Variants in MYRF observed in about 807,000 individuals in gnomAD.
MYRF encodes myelin gene regulatory factor.
A neutral mutation model predicts 126.3 loss-of-function variants in MYRF; 16 were observed. The observed-to-expected ratio is 0.13, with a 90% confidence interval of 0.09 to 0.19. The LOEUF is 0.19. MYRF is among the 10% of genes least tolerant of loss of function. The pLI is 1.00. For missense variants in MYRF, 1,104 were observed against 1,547.0 expected, an observed-to-expected ratio of 0.71 and a Z score of 4.80; for synonymous variants, 608 against 635.3, an observed-to-expected ratio of 0.96 and a Z score of 0.65.
At chr11:61,784,235 G>T in intron 24 of MYRF, 45 bp from the exon 25 acceptor site, 1 of 1,572,460 alleles carries the variant, frequency 6.4e-7, no homozygotes. Context: ...CTGGGGTTGA[G>T]GGACTCTAGA....
rs2066452701 is a variant in MYRF, at chr11:61,778,645, G to C, written c.2013+156G>C. 2 of 677,480 alleles carry C rather than the reference G, an allele frequency of 3.0e-6. No individual in the cohort carries two copies. The highest frequency in any genetic ancestry group is 2.7e-6 in the Non-Finnish European group (1 of 370,378). 42.0% of individuals were successfully genotyped at this position (677,480 alleles called of 1,614,324 possible). A position where few individuals can be genotyped will look rare whatever the true frequency, so the allele number is the denominator to read the frequency against. ...TCCAGAGCGCCCTCTGCACCCCACA[G>C]GGAAGGGGTGAGTGTTCAAGGAGAT... On this transcript the variant is annotated intron_variant, in intron 14 of 26. Transcript: ENST00000278836. This position sits in a 1 kb window ranked among gnomAD's most constrained non-coding sequence, Gnocchi z 4.6.
At chr11:61,766,338 C>A in intron 3 of MYRF, 117 bp downstream of exon 3, 1 of 1,179,882 alleles carries the variant, frequency 8.5e-7, no homozygotes, top group Non-Finnish European at 1.2e-6. Flanking sequence ...GGCTGGGTGA[C>A]TGGCTGTGCG....
At chr11:61,784,488 G>C in intron 25 of MYRF, 103 bp downstream of exon 25, 1 of 919,430 alleles carries the variant, frequency 1.1e-6, no homozygotes, top group Non-Finnish European at 1.7e-6. Flanking sequence ...GGGAGTTATA[G>C]AGTAAAGCCT....
At chr11:61,784,480 G>A in intron 25 of MYRF, 95 bp downstream of exon 25, 1 of 990,696 alleles carries the variant, frequency 1.0e-6, no homozygotes, top group Non-Finnish European at 1.5e-6. Context: ...CAGAAGCTGG[G>A]AGTTATAGAG....
chr11:61,754,907 G>A (rs1196577818), intron 1 of MYRF, among the ~76,000 whole-genome samples: 1 of 152,230 alleles, frequency 6.6e-6, no homozygotes, highest in Non-Finnish European at 1.5e-5. Context: ...CCCACTGTAG[G>A]TGTGAGAGAA....
At chr11:61,767,108 G>C (rs1247505622) in intron 3 of MYRF, 1 of 456,496 alleles carries the variant, frequency 2.2e-6, no homozygotes, top group Non-Finnish European at 4.4e-6. Context: ...GGTGGCCATG[G>C]ACACATGGCC....
At position 61,781,731 on chromosome 11, in the gene MYRF, A is replaced by C. The variant is rs2066555851; in HGVS notation, c.2923A>C (p.Ser975Arg). 4 of 1,612,958 alleles carry C rather than the reference A, an allele frequency of 2.5e-6. No individual in the cohort carries two copies. In the South Asian group the frequency reaches 4.4e-5, roughly 18 times the overall value. The change falls in exon 22 of 27, where the codon AGT (serine) becomes CGT (arginine). Residue 975 changes from serine to arginine, a missense_variant. By Grantham distance (110) the Ser-to-Arg change is moderately radical. This residue lies in a region of MYRF where 323 missense variants were observed against 383.1 expected (regional missense o/e 0.84). Coordinates refer to ENST00000278836, the MANE Select transcript of MYRF (RefSeq NM_001127392.3). ...FPGGQGKAKN[S>R]PSLGFHGRAR... ...TGGGGGGCAGGGCAAAGCCAAGAAC[A>C]GTCCCAGCCTTGGTTTCCATGGCCG...
chr11:61,781,937 C>T (rs1295405814), intron 22 of MYRF, 113 bp downstream of exon 22: 15 of 1,300,106 alleles, frequency 1.2e-5, no homozygotes, highest in South Asian at 4.8e-5. Flanking sequence ...AGTCAATAGA[C>T]GTTTGCTGAG....
intron 1 of MYRF, among the ~76,000 whole-genome samples, chr11:61,756,827 T>A (rs1421451434): frequency 6.6e-6 from 1 of 151,560 alleles, no homozygotes; most frequent in Non-Finnish European, 1.5e-5. Flanking sequence ...CTCCTTGGGG[T>A]CTTAAGTAGA....
At position 61,755,474 on chromosome 11, in the gene MYRF, A is replaced by G. The variant is rs537758871; in HGVS notation, c.46+2684A>G. The G allele has an allele frequency of 2.5e-6, 4 of 1,606,158 alleles. No homozygotes were observed. In the Admixed American group the frequency reaches 5.2e-5, roughly 21 times the overall value. On this transcript the variant is annotated intron_variant, in intron 1 of 26. Coordinates refer to ENST00000278836, the MANE Select transcript of MYRF (RefSeq NM_001127392.3). ...GGGCCATGGTATAAGGGGGCTTTGGACTCCAGAGCCAGGGCAGGCACGGGA... is the reference window on the plus strand; with the variant it reads ...GGGCCATGGTATAAGGGGGCTTTGGGCTCCAGAGCCAGGGCAGGCACGGGA...
chr11:61,774,228 G>A (rs1280237466), intron 8 of MYRF, 66 bp downstream of exon 8: 81 of 1,426,780 alleles, frequency 5.7e-5, no homozygotes, highest in Non-Finnish European at 7.0e-5. Flanking sequence ...AAAGACCCCA[G>A]AAAAAGCAAG....
chr11:61,767,813 CAAAAA>C (rs35214869), intron 3 of MYRF, among the ~76,000 whole-genome samples: 1 of 64,916 alleles, frequency 1.5e-5, no homozygotes. Flanking sequence ...GACCCTGTCT[CAAAAA>C]AAAAAAAAAA....
chr11:61,754,722 G>A (rs1473072478), intron 1 of MYRF, among the ~76,000 whole-genome samples: 2 of 152,232 alleles, frequency 1.3e-5, no homozygotes, highest in African/African-American at 4.8e-5. Context: ...TCCCTCCAGA[G>A]AGATAAGAGG....
At chr11:61,753,053 CCTT>C (rs1804394755) in intron 1 of MYRF, among the ~76,000 whole-genome samples, 1 of 152,110 alleles carries the variant, frequency 6.6e-6, no homozygotes, top group African/African-American at 2.4e-5. Context: ...GGTCCGGACT[CCTT>C]TGAGCCTTCC....
At chr11:61,770,929 G>T (rs174527) in intron 5 of MYRF, among the ~76,000 whole-genome samples, 3 of 151,944 alleles carry the variant, frequency 2.0e-5, no homozygotes, top group Admixed American at 1.3e-4. Context: ...CCAAGCCCCC[G>T]ACTCTGACTC....
In MYRF at chr11:61,777,670, G is replaced by GGCTCCGGGGCCT. The variant is rs1287707312; in HGVS notation, c.1792-55_1792-44dup. The GGCTCCGGGGCCT allele has an allele frequency of 1.3e-6, 2 of 1,483,940 alleles. No homozygotes were observed. Among genetic ancestry groups the GGCTCCGGGGCCT allele is most frequent in the Non-Finnish European group, 1.8e-6 (2 of 1,091,164 alleles). The allele number at this position is 1,483,940 out of a possible 1,614,324, so 91.9% of individuals were successfully genotyped here. A position where few individuals can be genotyped will look rare whatever the true frequency, so the allele number is the denominator to read the frequency against. Reference sequence around the variant, plus strand: ...CAGCCTCCAGGCTGCCGCCCTCCTGGGCTCCGGGGCCTGCTCCGGGACGGC... The same window carrying GGCTCCGGGGCCT: ...CAGCCTCCAGGCTGCCGCCCTCCTGGGCTCCGGGGCCTGCTCCGGGGCCTGCTCCGGGACGGC... On this transcript the variant is annotated intron_variant, in intron 12 of 26. Transcript: ENST00000278836. This position sits in a 1 kb window ranked among gnomAD's most constrained non-coding sequence, Gnocchi z 8.8.
At chr11:61,770,547 C>T (rs1277501707) in intron 5 of MYRF, 22 bp downstream of exon 5, 2 of 1,534,854 alleles carry the variant, frequency 1.3e-6, no homozygotes, top group East Asian at 4.8e-5. Flanking sequence ...GTGGCTGGCT[C>T]CATGGGGTGG....
chr11:61,778,723 C>T lies in MYRF; in HGVS notation c.2013+234C>T. On this transcript the variant is annotated intron_variant, in intron 14 of 26. Transcript: ENST00000278836. The surrounding 1 kb of genome is among the most constrained non-coding windows in gnomAD (Gnocchi z 4.6). ...CCTGTGTGATCAAGGGCAAGAGAAA[C>T]CCTGTGGAGGGCCATGGCCTTCCAC... 1 of 650,666 alleles carries T rather than the reference C, an allele frequency of 1.5e-6. No homozygotes were observed. Among genetic ancestry groups the T allele is most frequent in the Non-Finnish European group, 2.8e-6 (1 of 352,020 alleles). 40.3% of individuals were successfully genotyped at this position (650,666 alleles called of 1,614,324 possible). A position where few individuals can be genotyped will look rare whatever the true frequency, so the allele number is the denominator to read the frequency against.
Position 61,776,215 on chromosome 11 carries a change from AC to A in MYRF, c.1388+86del, listed in dbSNP as rs2066377898. On this transcript the variant is annotated intron_variant, in intron 9 of 26. Transcript: ENST00000278836. This position sits in a 1 kb window ranked among gnomAD's most constrained non-coding sequence, Gnocchi z 4.3. ...TTGGGAATGGAGGGGCCAGGGAGGT[AC>A]CCAGGGTGTCCGCCTCATGTACGTT... 4 of 1,578,486 alleles carry A rather than the reference AC, an allele frequency of 2.5e-6. No homozygotes were observed. The highest frequency in any genetic ancestry group is 3.5e-6 in the Non-Finnish European group (4 of 1,149,454).
Sources: gnomAD v4.1 joint callset for allele counts (sites outside exome capture counted in the v4.1 genomes callset) on GRCh38, gnomAD v4.1.1 for gene constraint, gnomAD v4.1.1 regional missense constraint, Gnocchi (gnomAD v3.1) non-coding constraint, MANE v1.5 for transcripts, NCBI Gene and HGNC (gene_info 2026-07-23, HGNC 2026-07-21) for gene names.